Variants in HRH1 observed in about 807,000 individuals in gnomAD.
HRH1 encodes histamine receptor H1.
Under a neutral mutation model 10.3 loss-of-function variants are expected in HRH1, and 6 were observed. The observed-to-expected ratio is 0.58, with a 90% CI of 0.32 to 1.15. HRH1 has a LOEUF of 1.15. Among genes scored for constraint, HRH1 ranks in the 50% most tolerant of loss-of-function variants. HRH1 has a pLI of 0.05. For synonymous variants in HRH1, 242 were observed against 236.7 expected, an observed-to-expected ratio of 1.02 and a Z score of -0.21; for missense variants, 514 against 615.3, an observed-to-expected ratio of 0.84 and a Z score of 1.74.
At chr3:11,212,689 A>G (rs1575016511) in intron 1 of HRH1, among the ~76,000 whole-genome samples, 1 of 152,182 alleles carries the variant, frequency 6.6e-6, no homozygotes, top group Non-Finnish European at 1.5e-5. Flanking sequence ...AAAGTCCACA[A>G]GTACCTTTCG....
At chr3:11,160,784 T>A (rs1318736153) in intron 1 of HRH1, among the ~76,000 whole-genome samples, 1 of 152,330 alleles carries the variant, frequency 6.6e-6, no homozygotes. Context: ...TTCTGAACTG[T>A]CTGTTCTGAT....
At chr3:11,142,830 C>T (rs1936318295) in intron 1 of HRH1, among the ~76,000 whole-genome samples, 3 of 152,116 alleles carry the variant, frequency 2.0e-5, no homozygotes, top group Admixed American at 6.5e-5. Context: ...AGGAGAATTG[C>T]TTGTACCAGG....
intron 1 of HRH1, among the ~76,000 whole-genome samples, chr3:11,248,879 C>T (rs946351149): frequency 5.3e-5 from 8 of 152,198 alleles, no homozygotes; most frequent in African/African-American, 1.7e-4. Flanking sequence ...GGTCAGATGA[C>T]CATCCAAGTG....
intron 1 of HRH1, among the ~76,000 whole-genome samples, chr3:11,169,027 G>T (rs1295256436): frequency 6.6e-6 from 1 of 152,214 alleles, no homozygotes; most frequent in Non-Finnish European, 1.5e-5. Flanking sequence ...CTGAGCTCTC[G>T]CCTGAACAGC....
At position 11,206,758 on chromosome 3, in the gene HRH1, T is replaced by A. The variant is rs187115897; in HGVS notation, c.-36+52204T>A. ...CCAAACTCATTGTTAAGCCTTCTAT[T>A]CAACCTCTTCTGTAGTTCCCAGGCA... On this transcript the variant is annotated intron_variant, in intron 1 of 1. Coordinates refer to ENST00000431010, the MANE Select transcript of HRH1 (RefSeq NM_001098212.2). 5.5e-3 allele frequency among the ~76,000 whole-genome samples: 835 copies of A among 152,338 alleles called. 6 individuals carry two copies. Among genetic ancestry groups the A allele is most frequent in the Non-Finnish European group, 8.9e-3 (606 of 68,040 alleles).
chr3:11,223,775 C>G (rs1040519299), intron 1 of HRH1, among the ~76,000 whole-genome samples: 2 of 152,212 alleles, frequency 1.3e-5, no homozygotes, highest in African/African-American at 4.8e-5. Flanking sequence ...TAATCTTGAG[C>G]AACCCCCTTG....
At chr3:11,144,475 A>ATACATCTATAGG (rs1559249806) in intron 1 of HRH1, among the ~76,000 whole-genome samples, 1 of 59,132 alleles carries the variant, frequency 1.7e-5, no homozygotes, top group African/African-American at 5.3e-5. Flanking sequence ...ACATATAGAC[A>ATACATCTATAGG]TATATATACA....
intron 1 of HRH1, among the ~76,000 whole-genome samples, chr3:11,143,505 C>T (rs952470997): frequency 1.3e-5 from 2 of 152,218 alleles, no homozygotes; most frequent in Non-Finnish European, 2.9e-5. Context: ...GGAAGCGATT[C>T]CTTAAATTCC....
intron 1 of HRH1, among the ~76,000 whole-genome samples, chr3:11,185,989 C>A (rs111345754): frequency 6.6e-6 from 1 of 152,116 alleles, no homozygotes; most frequent in Admixed American, 6.6e-5. Context: ...GTGGAAGCCC[C>A]GACCTCCAGC....
At chr3:11,151,045 C>T (rs770476900), upstream of HRH1, among the ~76,000 whole-genome samples, 13 of 152,224 alleles carry the variant, frequency 8.5e-5, no homozygotes, top group Non-Finnish European at 1.9e-4. Context: ...ACTCCTAGTT[C>T]CAGTGGCCTA....
chr3:11,154,159 G>T (rs1279861978), upstream of HRH1, among the ~76,000 whole-genome samples: 1 of 152,166 alleles, frequency 6.6e-6, no homozygotes, highest in South Asian at 2.1e-4. This position sits in a 1 kb window ranked among gnomAD's most constrained non-coding sequence, Gnocchi z 4.4. Flanking sequence ...GGGTGGAGTT[G>T]TCTCACCAAG....
intron 1 of HRH1, among the ~76,000 whole-genome samples, chr3:11,180,445 G>A (rs1013851388): frequency 6.6e-6 from 1 of 152,134 alleles, no homozygotes; most frequent in Non-Finnish European, 1.5e-5. Context: ...AATAAGGTTC[G>A]AGCTCCTATG....
At chr3:11,168,226 G>A (rs1164883433) in intron 1 of HRH1, among the ~76,000 whole-genome samples, 1 of 152,182 alleles carries the variant, frequency 6.6e-6, no homozygotes, top group Non-Finnish European at 1.5e-5. Context: ...GAGTGGCAGG[G>A]CACAGTGAGT....
chr3:11,140,353 G>A (rs1371266406), intron 1 of HRH1, among the ~76,000 whole-genome samples: 1 of 152,028 alleles, frequency 6.6e-6, no homozygotes, highest in Non-Finnish European at 1.5e-5. Flanking sequence ...CCTTAGGCGT[G>A]GCAGTTGACT....
chr3:11,224,269 T>G (rs1938807678), intron 1 of HRH1, among the ~76,000 whole-genome samples: 1 of 151,758 alleles, frequency 6.6e-6, no homozygotes. Flanking sequence ...ATGATCACAG[T>G]ACAGAGTCAG....
rs564036353 is a variant in HRH1 at position 11,202,171 on chromosome 3, A to G, written c.-36+47617A>G. ...GTAATCCCAACACTTTGGGAGGCCA[A>G]GGGGGGCAGATCATGTGAGGTCAGG... On this transcript the variant is annotated intron_variant, in intron 1 of 1. Transcript: ENST00000431010. 8.9e-4 allele frequency among the ~76,000 whole-genome samples: 135 copies of G among 152,324 alleles called. 3 individuals carry two copies. The highest frequency in any genetic ancestry group is 2.9e-3 in the East Asian group (15 of 5,186).
At chr3:11,215,632 A>G (rs193119798) in intron 1 of HRH1, among the ~76,000 whole-genome samples, 2,827 of 152,238 alleles carry the variant, frequency 0.019, 32 homozygotes, top group East Asian at 0.03. Flanking sequence ...TAGTAGAGAC[A>G]GGGTTTCACT....
intron 1 of HRH1, among the ~76,000 whole-genome samples, chr3:11,240,087 T>A (rs1575036152): frequency 6.6e-6 from 1 of 151,984 alleles, no homozygotes; most frequent in Non-Finnish European, 1.5e-5. Flanking sequence ...GGTTACATAG[T>A]ATAACTGTGG....
At position 11,157,873 on chromosome 3, in the gene HRH1, G is replaced by A. The variant is rs148809464; in HGVS notation, c.-36+3319G>A. Among the ~76,000 whole-genome samples, 21 of 152,342 alleles carry A rather than the reference G, an allele frequency of 1.4e-4. No homozygotes were observed. The East Asian group carries it at 3.9e-3, about 28-fold the overall frequency. On this transcript the variant is annotated intron_variant, in intron 1 of 1. Transcript: ENST00000431010. ...AGTACTTAAAAGCACAGACTCCAAT[G>A]TCCAACAGACATGAGTTTGAATCTT...
Sources: gnomAD v4.1 joint callset for allele counts (sites outside exome capture counted in the v4.1 genomes callset) on GRCh38, gnomAD v4.1.1 for gene constraint, Gnocchi (gnomAD v3.1) non-coding constraint, MANE v1.5 for transcripts, NCBI Gene and HGNC (gene_info 2026-07-23, HGNC 2026-07-21) for gene names.